The following ME1 variants were observed in gnomAD, a reference collection of about 807,000 sequenced individuals.
ME1 encodes the protein NADP-dependent malic enzyme.
ME1 carries 74 observed loss-of-function variants against 66.4 expected under a neutral mutation model. That is an observed-to-expected ratio of 1.11 (90% CI 0.92 to 1.35). The LOEUF (loss-of-function observed/expected upper bound fraction) is 1.35, where lower values mean the gene tolerates loss of function less well. Among genes scored for constraint, ME1 ranks in the 40% most tolerant of loss-of-function variants. The probability of loss-of-function intolerance (pLI) is 0.00; values close to 1 mark genes in which losing one functional copy is unlikely to be tolerated. For synonymous variants in ME1, 251 were observed against 235.6 expected, an observed-to-expected ratio of 1.07 and a Z score of -0.60; for missense variants, 750 against 694.1, an observed-to-expected ratio of 1.08 and a Z score of -0.90.
chr6:83,287,947 G>A (rs556901060), intron 6 of ME1, among the ~76,000 whole-genome samples: 1 of 152,110 alleles, frequency 6.6e-6, no homozygotes, highest in South Asian at 2.1e-4. Flanking sequence ...CTGCATAAAT[G>A]TCTTCTTTTG....
chr6:83,429,446 G>T (rs1313683944), intron 1 of ME1, among the ~76,000 whole-genome samples: 2 of 152,016 alleles, frequency 1.3e-5, no homozygotes, highest in Non-Finnish European at 2.9e-5. Context: ...CCACAACTTG[G>T]TCATAAATTA....
intron 1 of ME1, among the ~76,000 whole-genome samples, chr6:83,421,266 C>G (rs1428375682): frequency 5.3e-5 from 8 of 151,860 alleles, no homozygotes; most frequent in Non-Finnish European, 7.4e-5. Flanking sequence ...CAACTATGTA[C>G]CCAGTAAAAA....
At chr6:83,296,136 T>C (rs1348938615) in intron 6 of ME1, among the ~76,000 whole-genome samples, 2 of 152,036 alleles carry the variant, frequency 1.3e-5, no homozygotes, top group Non-Finnish European at 2.9e-5. Context: ...TCCAAAAATT[T>C]GAGGAGAGTC....
intron 3 of ME1, among the ~76,000 whole-genome samples, chr6:83,391,855 C>T (rs183493526): frequency 2.9e-4 from 44 of 152,322 alleles, no homozygotes; most frequent in Non-Finnish European, 4.7e-4. Flanking sequence ...CCTCCAATAT[C>T]ATCTTCCAAT....
At chr6:83,344,107 T>A in intron 5 of ME1, among the ~76,000 whole-genome samples, 1 of 144,778 alleles carries the variant, frequency 6.9e-6, no homozygotes. Flanking sequence ...CAAGACCCCG[T>A]CTAAAAAAAA....
intron 1 of ME1, 57 bp from the exon 2 acceptor site, chr6:83,407,958 A>T: frequency 6.6e-7 from 1 of 1,505,498 alleles, no homozygotes; most frequent in Non-Finnish European, 8.8e-7. Flanking sequence ...AAATAGACAA[A>T]AAGCATACAT....
At chr6:83,291,600 G>C (rs1018024949) in intron 6 of ME1, among the ~76,000 whole-genome samples, 1 of 151,746 alleles carries the variant, frequency 6.6e-6, no homozygotes, top group East Asian at 1.9e-4. Context: ...TATGTGTCTC[G>C]GGTTGCTCTT....
chr6:83,367,476 C>T (rs1162574068), intron 3 of ME1, among the ~76,000 whole-genome samples: 1 of 152,180 alleles, frequency 6.6e-6, no homozygotes, highest in Non-Finnish European at 1.5e-5. Flanking sequence ...GCGGTGTCTC[C>T]ATTGAAAATC....
rs754710103 is a variant in ME1, at chr6:83,398,524, A to C, written c.213-8T>G. On this transcript the variant is annotated splice_polypyrimidine_tract_variant and splice_region_variant and intron_variant, in intron 2 of 13. Coordinates refer to ENST00000369705, the MANE Select transcript of ME1 (RefSeq NM_002395.6). ...TCCATTAAGAGAAGATACCTGTAAA[A>C]ATTGGACATAATTAGATCTACATCC... The C allele has an allele frequency of 6.8e-7, 1 of 1,463,426 alleles. No individual in the cohort carries two copies. Among genetic ancestry groups the C allele is most frequent in the Non-Finnish European group, 9.3e-7 (1 of 1,074,354 alleles). 90.7% of individuals were successfully genotyped at this position (1,463,426 alleles called of 1,614,324 possible).
chr6:83,221,479 A>G (rs1167405271), intron 12 of ME1, among the ~76,000 whole-genome samples: 1 of 152,208 alleles, frequency 6.6e-6, no homozygotes, highest in African/African-American at 2.4e-5. Flanking sequence ...CTATGGGATG[A>G]GGGAGAATGA....
intron 7 of ME1, among the ~76,000 whole-genome samples, chr6:83,246,522 T>A (rs574643861): frequency 6.6e-6 from 1 of 152,246 alleles, no homozygotes; most frequent in Admixed American, 6.5e-5. Context: ...CTTAAAAATA[T>A]CTTGTGAATA....
chr6:83,238,152 T>C (rs1790449302), intron 8 of ME1, among the ~76,000 whole-genome samples: 1 of 152,146 alleles, frequency 6.6e-6, no homozygotes, highest in Non-Finnish European at 1.5e-5. Flanking sequence ...TATTGTTTAT[T>C]GTTAGGTTCA....
chr6:83,354,920 A>C (rs1456379392), intron 3 of ME1, among the ~76,000 whole-genome samples: 2 of 152,186 alleles, frequency 1.3e-5, no homozygotes, highest in Non-Finnish European at 2.9e-5. Context: ...AATCCAGCCT[A>C]ATATTGACTC....
chr6:83,400,180 C>G (rs1769813533), intron 2 of ME1, among the ~76,000 whole-genome samples: 1 of 151,980 alleles, frequency 6.6e-6, no homozygotes, highest in South Asian at 2.1e-4. Flanking sequence ...AAATGTAATC[C>G]CCAGTGCTGG....
intron 5 of ME1, among the ~76,000 whole-genome samples, chr6:83,317,223 G>A (rs1178129086): frequency 6.6e-6 from 1 of 151,958 alleles, no homozygotes; most frequent in African/African-American, 2.4e-5. Context: ...AATTAAGTGT[G>A]TGGTTTTAAT....
chr6:83,403,069 C>A (rs756285408), intron 2 of ME1, among the ~76,000 whole-genome samples: 9 of 152,184 alleles, frequency 5.9e-5, no homozygotes, highest in Non-Finnish European at 1.2e-4. Context: ...GTACTGCTAA[C>A]ATTACATCAT....
chr6:83,326,858 C>A (rs541220210), intron 5 of ME1, among the ~76,000 whole-genome samples: 5 of 152,262 alleles, frequency 3.3e-5, no homozygotes, highest in African/African-American at 1.2e-4. Flanking sequence ...ATAGAAAAAT[C>A]ATTTGACCCA....
intron 6 of ME1, among the ~76,000 whole-genome samples, chr6:83,291,093 T>C (rs1385696317): frequency 6.6e-6 from 1 of 152,238 alleles, no homozygotes; most frequent in Non-Finnish European, 1.5e-5. Flanking sequence ...TCTGTGTCTT[T>C]TAATTGGGGC....
At chr6:83,346,497 TA>T (rs1273394765) in intron 4 of ME1, among the ~76,000 whole-genome samples, 163 bp from the exon 5 acceptor site, 2 of 152,224 alleles carry the variant, frequency 1.3e-5, no homozygotes, top group Non-Finnish European at 2.9e-5. Context: ...TGTGGAAGAA[TA>T]GGGTGAAGAA....
Sources: allele counts gnomAD v4.1 joint callset (sites outside exome capture counted in the v4.1 genomes callset), GRCh38; gene constraint gnomAD v4.1.1; transcripts MANE v1.5; gene names NCBI Gene and HGNC (gene_info 2026-07-23, HGNC 2026-07-21).